ZNF536: variants seen among roughly 807,000 people sequenced by gnomAD.
ZNF536 encodes the protein zinc finger protein 536.
ZNF536 carries 13 observed loss-of-function variants against 84.5 expected under a neutral mutation model. That is an observed-to-expected ratio of 0.15 (90% CI 0.10 to 0.24). The LOEUF (loss-of-function observed/expected upper bound fraction) is 0.24, where lower values mean the gene tolerates loss of function less well. Among genes scored for constraint, ZNF536 ranks in the 10% least tolerant of loss-of-function variants. ZNF536 has a pLI of 1.00. For synonymous variants in ZNF536, 811 were observed against 742.5 expected (o/e 1.09, Z -1.50); for missense variants, 1,536 against 1,747.5 (o/e 0.88, Z 2.16).
chr19:30,454,632 A>G (rs1296221116), intron 2 of ZNF536, among the ~76,000 whole-genome samples: 3 of 152,218 alleles, frequency 2.0e-5, no homozygotes. Flanking sequence ...CAAAGCTGCT[A>G]TGTGGCATCA....
chr19:30,389,458 C>G (rs2147310369), intron 1 of ZNF536, among the ~76,000 whole-genome samples: 1 of 152,270 alleles, frequency 6.6e-6, no homozygotes, highest in East Asian at 1.9e-4. Context: ...TGCTCCTCAC[C>G]CATGGATTTT....
chr19:30,535,048 T>A (rs752042367), intron 3 of ZNF536, 49 bp downstream of exon 3: 2 of 1,554,140 alleles, frequency 1.3e-6, no homozygotes, highest in Admixed American at 3.7e-5. Flanking sequence ...AAGGAGGAGG[T>A]CCCCGTCCTG....
intron 1 of ZNF536, among the ~76,000 whole-genome samples, chr19:30,591,077 T>C (rs1324695465): frequency 6.6e-6 from 1 of 152,200 alleles, no homozygotes; most frequent in African/African-American, 2.4e-5. Context: ...AGACAACTGA[T>C]AATTCAAAGG....
At chr19:30,503,757 C>T (rs374153076) in intron 2 of ZNF536, among the ~76,000 whole-genome samples, 25 of 152,272 alleles carry the variant, frequency 1.6e-4, no homozygotes, top group Non-Finnish European at 3.1e-4. Context: ...ATCTCCCTGG[C>T]GCCAGAGCAT....
intron 1 of ZNF536, among the ~76,000 whole-genome samples, chr19:30,574,745 T>C (rs945599935): frequency 1.3e-5 from 2 of 152,272 alleles, no homozygotes. Flanking sequence ...CACTTCATCA[T>C]GATCAAGTGT....
intron 1 of ZNF536, among the ~76,000 whole-genome samples, chr19:30,395,690 A>G (rs1033453503): frequency 1.1e-4 from 16 of 152,220 alleles, no homozygotes; most frequent in African/African-American, 3.9e-4. Context: ...TGAGTCTGAG[A>G]GGCAGCAAAA....
chr19:30,555,583 G>A (rs1240149967), intron 4 of ZNF536: 1 of 152,212 alleles, frequency 6.6e-6, no homozygotes, highest in Non-Finnish European at 1.5e-5. Flanking sequence ...GCAAGTGCTT[G>A]GGGGTAGGAA....
chr19:30,556,959 C>A, intron 4 of ZNF536, 198 bp from the exon 5 acceptor site: 5 of 573,366 alleles, frequency 8.7e-6, no homozygotes, highest in Non-Finnish European at 1.6e-5. Flanking sequence ...AGCACCTCTA[C>A]GTCTAATTGC....
intron 2 of ZNF536, among the ~76,000 whole-genome samples, chr19:30,291,975 T>G (rs542932663): frequency 6.6e-6 from 1 of 152,336 alleles, no homozygotes; most frequent in African/African-American, 2.4e-5. Flanking sequence ...CCTATTTGTT[T>G]ATATGTTGTC....
Position 30,673,538 on chromosome 19 carries a change from C to G in ZNF536, c.170-37219C>G, listed in dbSNP as rs562979323. 2.6e-5 allele frequency among the ~76,000 whole-genome samples: 4 copies of G among 152,314 alleles called. No homozygotes were observed. The East Asian group carries it at 7.7e-4, about 29-fold the overall frequency. On this transcript the variant is annotated intron_variant, in intron 1 of 1. Transcript: ENST00000592773. ...GGGACTGGCACATACATCGCCCGCA[C>G]AGCACCATGGCCCTGGCCACCCAGG...
chr19:30,407,521 G>A (rs528393409), intron 1 of ZNF536, among the ~76,000 whole-genome samples: 22 of 152,186 alleles, frequency 1.4e-4, no homozygotes, highest in African/African-American at 2.6e-4. Flanking sequence ...AGATGGTCCC[G>A]CCCCAGACGA....
At chr19:30,575,720 C>T (rs544051358) in intron 1 of ZNF536, among the ~76,000 whole-genome samples, 21 of 152,106 alleles carry the variant, frequency 1.4e-4, no homozygotes, top group Non-Finnish European at 2.8e-4. Flanking sequence ...TAGGGAGTGC[C>T]GGGGGTGCTG....
intron 1 of ZNF536, among the ~76,000 whole-genome samples, chr19:30,415,595 G>GTCC (rs145982476): frequency 2.0e-5 from 3 of 150,118 alleles, no homozygotes; most frequent in Non-Finnish European, 4.4e-5. Flanking sequence ...CATCGTCATC[G>GTCC]TCATCATCAT....
chr19:30,231,483 A>G (rs570598419), intron 1 of ZNF536, among the ~76,000 whole-genome samples: 11 of 152,330 alleles, frequency 7.2e-5, no homozygotes, highest in African/African-American at 2.4e-4. Context: ...AGAATGTGCC[A>G]GGGCAGGGTC....
At chr19:30,432,006 TACACACACACATAC>T (rs1477544003) in intron 1 of ZNF536, among the ~76,000 whole-genome samples, 2 of 145,988 alleles carry the variant, frequency 1.4e-5, no homozygotes, top group Non-Finnish European at 3.0e-5. Flanking sequence ...TATATATATA[TACACACACACATAC>T]ACACACACAC....
At chr19:30,286,604 G>GAGAGAGAC (rs2045640270) in intron 2 of ZNF536, among the ~76,000 whole-genome samples, 1 of 151,748 alleles carries the variant, frequency 6.6e-6, no homozygotes, top group African/African-American at 2.4e-5. Flanking sequence ...GAGAGAGAAG[G>GAGAGAGAC]AGAGAGACAG....
chr19:30,446,159 G>A (rs1258041185), intron 2 of ZNF536, among the ~76,000 whole-genome samples: 2 of 142,500 alleles, frequency 1.4e-5, no homozygotes, highest in Admixed American at 1.5e-4. Context: ...TAAGGCAGGA[G>A]AATCGCTTGA....
At position 30,293,204 on chromosome 19, in the gene ZNF536, G is replaced by A. The variant is rs545293817; in HGVS notation, c.-120+9063G>A. On this transcript the variant is annotated intron_variant, in intron 2 of 5. Transcript: ENST00000585628. ...TCAGTGGGTTCGTTGTTACTGATGA[G>A]GGAGTGGTTAGTTCTCTCTCTCTGC... Among the ~76,000 whole-genome samples the A allele has an allele frequency of 2.0e-5, 3 of 152,214 alleles. No individual in the cohort carries two copies. In the East Asian group the frequency reaches 5.8e-4, roughly 29 times the overall value.
intron 2 of ZNF536, among the ~76,000 whole-genome samples, chr19:30,489,336 T>C (rs1466054498): frequency 1.3e-5 from 2 of 152,144 alleles, no homozygotes; most frequent in Non-Finnish European, 2.9e-5. Context: ...TCCCAACACT[T>C]TGGGAGGCCG....
Sources: gnomAD v4.1 joint callset for allele counts (sites outside exome capture counted in the v4.1 genomes callset) on GRCh38, gnomAD v4.1.1 for gene constraint, MANE v1.5 for transcripts, NCBI Gene and HGNC (gene_info 2026-07-23, HGNC 2026-07-21) for gene names.